Variants in DPM1 observed in about 807,000 individuals in gnomAD.
DPM1 encodes dolichol-phosphate mannosyltransferase subunit 1.
In DPM1, 27 loss-of-function variants were observed where a neutral mutation model predicts 39.0. That is an observed-to-expected ratio of 0.69 (90% CI 0.51 to 0.95). The LOEUF (loss-of-function observed/expected upper bound fraction) is 0.95. Among genes scored for constraint, DPM1 ranks in the 40% least tolerant of loss-of-function variants. The pLI, the probability that DPM1 is intolerant of heterozygous loss-of-function variation, is 0.00. For synonymous variants in DPM1, 124 were observed against 109.0 expected (o/e 1.14, Z -0.86); for missense variants, 307 against 315.6 (o/e 0.97, Z 0.21).
At chr20:50,947,227 C>T (rs1055226388) in intron 3 of DPM1, among the ~76,000 whole-genome samples, 3 of 151,046 alleles carry the variant, frequency 2.0e-5, no homozygotes, top group East Asian at 2.0e-4. Context: ...AAAAATTAGC[C>T]GGGCATGGTG....
intron 8 of DPM1, 56 bp from the exon 9 acceptor site, chr20:50,935,292 C>T: frequency 9.5e-7 from 1 of 1,047,336 alleles, no homozygotes; most frequent in Non-Finnish European, 1.5e-6. Flanking sequence ...GGCAGCTTAG[C>T]CGGTATACCA....
intron 2 of DPM1, among the ~76,000 whole-genome samples, chr20:50,954,173 T>C (rs1413702149): frequency 6.6e-6 from 1 of 152,018 alleles, no homozygotes; most frequent in East Asian, 1.9e-4. Flanking sequence ...ACTGAGTGGC[T>C]TTTTTTTAAA....
chr20:50,937,834 T>C (rs917278352), intron 7 of DPM1, among the ~76,000 whole-genome samples: 4 of 151,898 alleles, frequency 2.6e-5, no homozygotes, highest in African/African-American at 7.3e-5. Context: ...ATTATTATTA[T>C]TATTTTTATT....
chr20:50,940,617 G>A (rs531926123), intron 7 of DPM1, among the ~76,000 whole-genome samples: 1 of 152,316 alleles, frequency 6.6e-6, no homozygotes, highest in African/African-American at 2.4e-5. Flanking sequence ...ATTCCAAAGA[G>A]CAGTTGAGCC....
At chr20:50,948,817 GAA>G (rs76899294) in intron 2 of DPM1, among the ~76,000 whole-genome samples, 155 bp from the exon 3 acceptor site, 1 of 146,446 alleles carries the variant, frequency 6.8e-6, no homozygotes, top group Non-Finnish European at 1.5e-5. Context: ...TTTGCCAAAA[GAA>G]AAAAAAAAGC....
chr20:50,940,153 T>C (rs1363940465), intron 7 of DPM1, among the ~76,000 whole-genome samples: 1 of 151,774 alleles, frequency 6.6e-6, no homozygotes, highest in African/African-American at 2.4e-5. Flanking sequence ...GACCTAGATT[T>C]TCCTGCATTA....
Position 50,936,276 on chromosome 20 carries a change from A to C in DPM1, c.564-14T>G. On this transcript the variant is annotated splice_polypyrimidine_tract_variant and intron_variant, in intron 7 of 8. Coordinates refer to ENST00000371588, the MANE Select transcript of DPM1 (RefSeq NM_003859.3). ...TTTCGGTATAATCTGTAAGAAATTA[A>C]AAATATATATCAACTTCTGGATAAA... The C allele has an allele frequency of 3.3e-6, 5 of 1,504,946 alleles. No individual in the cohort carries two copies. The highest frequency in any genetic ancestry group is 4.6e-6 in the Non-Finnish European group (5 of 1,084,174). The allele number at this position is 1,504,946 out of a possible 1,614,324, so 93.2% of individuals were successfully genotyped here. A position where few individuals can be genotyped will look rare whatever the true frequency, so the allele number is the denominator to read the frequency against.
chr20:50,935,136 G>T lies in DPM1; in HGVS notation c.779C>A (p.Thr260Lys). The change falls in exon 9 of 9, where the codon ACA becomes AAA. Residue 260 changes from threonine (T) to lysine (K), a missense_variant. Coordinates refer to ENST00000371588, the MANE Select transcript of DPM1 (RefSeq NM_003859.3). ...LKGLLTLFAT[T>K] ...CTATAAATGAGTATCTTTCTTTTAT[G>T]TAGTAGCAAAAAGAGTCAATAATCC... 6.5e-7 allele frequency: 1 copy of T among 1,528,692 alleles called. No individual in the cohort carries two copies. The highest frequency in any genetic ancestry group is 9.1e-7 in the Non-Finnish European group (1 of 1,104,166). 94.7% of individuals were successfully genotyped at this position (1,528,692 alleles called of 1,614,324 possible). A position where few individuals can be genotyped will look rare whatever the true frequency, so the allele number is the denominator to read the frequency against.
At chr20:50,944,380 G>A (rs566440315) in intron 5 of DPM1, 1 of 152,274 alleles carries the variant, frequency 6.6e-6, no homozygotes, top group African/African-American at 2.4e-5. Flanking sequence ...TTGTATACTG[G>A]AGATATAACC....
At chr20:50,935,719 T>G (rs370725846) in intron 8 of DPM1, among the ~76,000 whole-genome samples, 3 of 152,178 alleles carry the variant, frequency 2.0e-5, no homozygotes, top group African/African-American at 7.2e-5. Context: ...AAGAGCTCAC[T>G]AACGAGCCCT....
chr20:50,946,821 C>T (rs1181417332), intron 3 of DPM1, among the ~76,000 whole-genome samples: 1 of 152,186 alleles, frequency 6.6e-6, no homozygotes, highest in Non-Finnish European at 1.5e-5. Context: ...CCTGTAATCC[C>T]AGCACTTTGG....
intron 3 of DPM1, among the ~76,000 whole-genome samples, chr20:50,947,113 C>T (rs1021107978): frequency 5.3e-5 from 8 of 152,238 alleles, no homozygotes; most frequent in African/African-American, 1.9e-4. Context: ...GAGGCTGAGG[C>T]AGGAGAATCG....
intron 3 of DPM1, 119 bp from the exon 4 acceptor site, chr20:50,946,042 TAATA>T: frequency 1.2e-6 from 1 of 869,396 alleles, no homozygotes. Flanking sequence ...AAAGTCAGAT[TAATA>T]AATTGGTATT....
rs200030885 is a variant in DPM1 at position 50,945,935 on chromosome 20, A to G, written c.296-12T>C. 2.7e-4 allele frequency: 441 copies of G among 1,607,888 alleles called. 1 individual carries two copies. The African/African-American group carries it at 5.0e-3, about 18-fold the overall frequency. The stretch of plus-strand genomic sequence containing the variant: ...AATATATGCAGTTCCTAAAAATGAA[A>G]GTAGATCCATTCAAGAAAATCAACA... On this transcript the variant is annotated splice_polypyrimidine_tract_variant and intron_variant, in intron 3 of 8. Transcript: ENST00000371588.
At position 50,937,672 on chromosome 20, in the gene DPM1, C is replaced by G. The variant is rs548063845; in HGVS notation, c.564-1410G>C. ...CCAGAGTACAGTGGCACAACCATGG[C>G]TCACTGCAGTCTCAACTTTCCAGGC... On this transcript the variant is annotated intron_variant, in intron 7 of 8. Transcript: ENST00000371588. Among the ~76,000 whole-genome samples, 411 of 152,198 alleles carry G rather than the reference C, an allele frequency of 2.7e-3. 6 individuals carry two copies. Among genetic ancestry groups the G allele is most frequent in the South Asian group, 0.02 (94 of 4,820 alleles).
At chr20:50,938,380 TA>T (rs1207343452) in intron 7 of DPM1, among the ~76,000 whole-genome samples, 47 of 150,710 alleles carry the variant, frequency 3.1e-4, no homozygotes, top group African/African-American at 9.1e-4. Flanking sequence ...ATTTAACTAT[TA>T]AAAAAAATTT....
At chr20:50,938,363 CAAT>C (rs1235945408) in intron 7 of DPM1, among the ~76,000 whole-genome samples, 1 of 151,562 alleles carries the variant, frequency 6.6e-6, no homozygotes, top group African/African-American at 2.4e-5. Context: ...TATGAGAAGA[CAAT>C]GAGATTTAAC....
chr20:50,939,197 T>G (rs1247856229), intron 7 of DPM1, among the ~76,000 whole-genome samples: 2 of 152,100 alleles, frequency 1.3e-5, no homozygotes, highest in African/African-American at 4.8e-5. Flanking sequence ...TGTGTTTTTC[T>G]TCACAGCCTC....
intron 3 of DPM1, among the ~76,000 whole-genome samples, chr20:50,947,754 G>A (rs1308160888): frequency 6.6e-6 from 1 of 151,950 alleles, no homozygotes; most frequent in East Asian, 1.9e-4. Flanking sequence ...TCAGCCTCCC[G>A]AGTAGCTGGG....
Sources: gnomAD v4.1 joint callset for allele counts (sites outside exome capture counted in the v4.1 genomes callset) on GRCh38, gnomAD v4.1.1 for gene constraint, MANE v1.5 for transcripts, NCBI Gene and HGNC (gene_info 2026-07-23, HGNC 2026-07-21) for gene names.